Variants in DOCK3 observed in about 807,000 individuals in gnomAD.
DOCK3 encodes the protein dedicator of cytokinesis protein 3.
In DOCK3, 60 loss-of-function variants were observed where a neutral mutation model predicts 265.6. The observed-to-expected ratio is 0.23, with a 90% CI of 0.18 to 0.28. The LOEUF is 0.28. Ranked by LOEUF, DOCK3 falls within the 10% of genes least tolerant of loss-of-function variation. The pLI is 1.00. For missense variants in DOCK3, 1,981 were observed against 2,594.3 expected, an observed-to-expected ratio of 0.76 and a Z score of 5.14; for synonymous variants, 881 against 938.0, an observed-to-expected ratio of 0.94 and a Z score of 1.11.
rs374603723 is a variant in DOCK3, at chr3:50,705,958, G to A, written c.37+30658G>A. 9.9e-5 allele frequency among the ~76,000 whole-genome samples: 15 copies of A among 152,132 alleles called. No individual in the cohort carries two copies. In the East Asian group the frequency reaches 1.2e-3, roughly 12 times the overall value. On this transcript the variant is annotated intron_variant, in intron 1 of 52. Transcript: ENST00000266037. ...AGGCATGAGACTTGCTTGAACCTGG[G>A]AGGCAGAGGTTGCAGTAAGCCAAGA...
intron 2 of DOCK3, among the ~76,000 whole-genome samples, chr3:50,831,185 TTTTATTTATTTATTTA>T (rs3043409): frequency 5.4e-4 from 39 of 72,084 alleles, no homozygotes; most frequent in African/African-American, 8.3e-4. Context: ...CTGCAACCTG[TTTTATTTATTTATTTA>T]TTTATTTATT....
chr3:51,302,957 T>G (rs1327210182), intron 27 of DOCK3, among the ~76,000 whole-genome samples: 4 of 152,166 alleles, frequency 2.6e-5, no homozygotes, highest in Admixed American at 1.3e-4. Flanking sequence ...TGAATTTGAA[T>G]GTTGGCCTCT....
chr3:50,891,788 A>T (rs369200066), intron 4 of DOCK3, among the ~76,000 whole-genome samples: 2 of 152,094 alleles, frequency 1.3e-5, no homozygotes, highest in African/African-American at 2.4e-5. Flanking sequence ...TGCCTTAGAA[A>T]ATACTAGCAA....
intron 35 of DOCK3, among the ~76,000 whole-genome samples, chr3:51,335,085 T>C (rs1407572726): frequency 1.3e-5 from 2 of 152,204 alleles, no homozygotes; most frequent in Non-Finnish European, 2.9e-5. Context: ...ATGGCCCCTG[T>C]TTATTGAAAA....
At chr3:51,185,365 A>G (rs1348715543) in intron 12 of DOCK3, among the ~76,000 whole-genome samples, 7 of 152,180 alleles carry the variant, frequency 4.6e-5, no homozygotes, top group Non-Finnish European at 1.0e-4. Flanking sequence ...GTGCAAATAA[A>G]TAGGAAAAGA....
In DOCK3 at chr3:50,712,151, A is replaced by ATTTATTTCC. The variant is rs2036814175; in HGVS notation, c.37+36856_37+36864dup. Reference sequence around the variant, plus strand: ...GTTTTGCCAATTTTCTCTATTTTCCATTTATTTCCTTTACCTTAATCATTG... The same window carrying ATTTATTTCC: ...GTTTTGCCAATTTTCTCTATTTTCCATTTATTTCCTTTATTTCCTTTACCTTAATCATTG... On this transcript the variant is annotated intron_variant, in intron 1 of 52. Transcript: ENST00000266037. 2.0e-5 allele frequency among the ~76,000 whole-genome samples: 3 copies of ATTTATTTCC among 152,098 alleles called. No individual in the cohort carries two copies. The East Asian group carries it at 5.8e-4, about 29-fold the overall frequency.
chr3:51,309,624 C>G (rs63016760), intron 27 of DOCK3, among the ~76,000 whole-genome samples: 28 of 1,804 alleles, frequency 0.016, no homozygotes, highest in African/African-American at 0.012. Context: ...AGAGGGAGAG[C>G]GAGAGCGAGA....
chr3:51,196,912 G>T (rs558519688), intron 12 of DOCK3, among the ~76,000 whole-genome samples: 7 of 152,210 alleles, frequency 4.6e-5, no homozygotes, highest in African/African-American at 1.4e-4. Context: ...TCCTTTGGAA[G>T]TGTCATATTT....
At chr3:50,697,563 C>T (rs1287695152) in intron 1 of DOCK3, among the ~76,000 whole-genome samples, 2 of 152,180 alleles carry the variant, frequency 1.3e-5, no homozygotes, top group Non-Finnish European at 2.9e-5. Context: ...TGCACTCCAG[C>T]CTGGGCAATA....
At chr3:51,178,970 GC>G (rs1407331125) in intron 12 of DOCK3, among the ~76,000 whole-genome samples, 1 of 152,154 alleles carries the variant, frequency 6.6e-6, no homozygotes, top group Non-Finnish European at 1.5e-5. Context: ...TGCCTAAGCA[GC>G]CTGGTTAATA....
intron 32 of DOCK3, among the ~76,000 whole-genome samples, chr3:51,329,887 A>G (rs554505694): frequency 3.2e-4 from 49 of 152,284 alleles, no homozygotes; most frequent in African/African-American, 1.1e-3. Flanking sequence ...TTGCCCTTAG[A>G]TTGGAAAGAG....
At chr3:51,116,472 A>G (rs76390286) in intron 9 of DOCK3, among the ~76,000 whole-genome samples, 1,915 of 144,942 alleles carry the variant, frequency 0.013, 32 homozygotes, top group African/African-American at 0.05. Context: ...AAAAAAAAAA[A>G]GGGTAGTTTT....
chr3:51,368,114 A>C (rs568193857), intron 49 of DOCK3, among the ~76,000 whole-genome samples: 1 of 152,316 alleles, frequency 6.6e-6, no homozygotes, highest in Non-Finnish European at 1.5e-5. Flanking sequence ...TCTCCCCATC[A>C]TGAATAGGAA....
chr3:51,076,392 G>C (rs749793222), intron 7 of DOCK3, among the ~76,000 whole-genome samples: 1 of 152,132 alleles, frequency 6.6e-6, no homozygotes, highest in Non-Finnish European at 1.5e-5. Flanking sequence ...CTTGAGCTCA[G>C]GATTTTGAGA....
At chr3:50,863,301 G>T in intron 3 of DOCK3, 1 of 456,308 alleles carries the variant, frequency 2.2e-6, no homozygotes, top group South Asian at 1.7e-5. Flanking sequence ...TGTATGGCAT[G>T]GTCTGTCTCA....
chr3:50,886,077 T>C (rs1354068507), intron 3 of DOCK3, among the ~76,000 whole-genome samples: 2 of 151,870 alleles, frequency 1.3e-5, no homozygotes, highest in African/African-American at 2.4e-5. Context: ...CTGATACATA[T>C]GGCAAAAAGA....
intron 31 of DOCK3, 140 bp from the exon 32 acceptor site, chr3:51,314,840 C>A: frequency 9.6e-7 from 1 of 1,044,758 alleles, no homozygotes; most frequent in Non-Finnish European, 1.3e-6. Context: ...AGGGAGAGTA[C>A]CTCAGAAAAC....
chr3:50,708,147 G>A (rs1397154895), intron 1 of DOCK3, among the ~76,000 whole-genome samples: 1 of 152,188 alleles, frequency 6.6e-6, no homozygotes, highest in Non-Finnish European at 1.5e-5. Context: ...GCAGGTGGTG[G>A]TGGGCTATGT....
intron 23 of DOCK3, among the ~76,000 whole-genome samples, chr3:51,261,566 G>A (rs1036404157): frequency 6.6e-6 from 1 of 152,178 alleles, no homozygotes; most frequent in South Asian, 2.1e-4. Context: ...AGACAGAACC[G>A]TTCACTCCCC....
Sources: gnomAD v4.1 joint callset for allele counts (sites outside exome capture counted in the v4.1 genomes callset) on GRCh38, gnomAD v4.1.1 for gene constraint, MANE v1.5 for transcripts, NCBI Gene and HGNC (gene_info 2026-07-23, HGNC 2026-07-21) for gene names.